The following ARHGAP26 variants were observed in gnomAD, a reference collection of about 807,000 sequenced individuals.
ARHGAP26 encodes the protein rho GTPase-activating protein 26.
A neutral mutation model predicts 104.8 loss-of-function variants in ARHGAP26; 38 were observed. The ratio of observed to expected loss-of-function variants is 0.36; its 90% CI spans 0.28 to 0.48. The LOEUF (loss-of-function observed/expected upper bound fraction) is 0.48, where lower values mean the gene tolerates loss of function less well. Ranked by LOEUF, ARHGAP26 falls within the 20% of genes least tolerant of loss-of-function variation. ARHGAP26 has a pLI of 0.99. For missense variants in ARHGAP26, 704 were observed against 947.9 expected, an observed-to-expected ratio of 0.74 and a Z score of 3.38; for synonymous variants, 341 against 340.0, an observed-to-expected ratio of 1.00 and a Z score of -0.03.
chr5:143,109,518 G>C (rs542558063), intron 17 of ARHGAP26, among the ~76,000 whole-genome samples: 4 of 151,758 alleles, frequency 2.6e-5, no homozygotes, highest in African/African-American at 7.3e-5. Flanking sequence ...GCAGTGGTGC[G>C]ATCTCAGCTC....
chr5:143,052,552 C>T (rs1223010496), intron 14 of ARHGAP26, among the ~76,000 whole-genome samples: 1 of 152,120 alleles, frequency 6.6e-6, no homozygotes, highest in Non-Finnish European at 1.5e-5. Flanking sequence ...TTTTATTGCT[C>T]AGTGTCACCT....
At chr5:142,930,272 C>G (rs1017045446) in intron 10 of ARHGAP26, among the ~76,000 whole-genome samples, 2 of 152,106 alleles carry the variant, frequency 1.3e-5, no homozygotes, top group African/African-American at 4.8e-5. Context: ...TTCATTGTGC[C>G]CTTAAGCCAC....
intron 17 of ARHGAP26, among the ~76,000 whole-genome samples, chr5:143,065,016 T>G (rs1047117115): frequency 6.6e-6 from 1 of 152,210 alleles, no homozygotes; most frequent in Non-Finnish European, 1.5e-5. Context: ...AATTTCCTGT[T>G]TTCTGATTCA....
intron 1 of ARHGAP26, chr5:142,860,356 C>T (rs1196078872): frequency 1.3e-5 from 2 of 152,284 alleles, no homozygotes; most frequent in South Asian, 2.1e-4. Flanking sequence ...TCTGGATTCA[C>T]TTGAGTCTGT....
intron 5 of ARHGAP26, among the ~76,000 whole-genome samples, chr5:142,887,023 G>C (rs1757805785): frequency 6.6e-6 from 1 of 152,250 alleles, no homozygotes; most frequent in Non-Finnish European, 1.5e-5. Context: ...CATTAGTACA[G>C]ATATTCAGAG....
chr5:142,801,322 C>T lies in ARHGAP26; in HGVS notation c.154+30407C>T, dbSNP rs114195571. On this transcript the variant is annotated intron_variant, in intron 1 of 22. Coordinates refer to ENST00000645722, the MANE Select transcript of ARHGAP26 (RefSeq NM_001135608.3). Reference sequence around the variant, plus strand: ...GGGATAATAAGAGTTATAGTCATAGCGAATAGAAATTGATGACGCCCTATG... The same window carrying T: ...GGGATAATAAGAGTTATAGTCATAGTGAATAGAAATTGATGACGCCCTATG... Among the ~76,000 whole-genome samples the T allele has an allele frequency of 3.6e-3, 543 of 152,132 alleles. 5 individuals are homozygous for T. The highest frequency in any genetic ancestry group is 0.012 in the African/African-American group (516 of 41,480).
chr5:142,921,347 A>G (rs1475615816), intron 10 of ARHGAP26, among the ~76,000 whole-genome samples: 1 of 152,202 alleles, frequency 6.6e-6, no homozygotes, highest in Admixed American at 6.5e-5. Context: ...TAATACAGTA[A>G]TATGTGCATA....
At chr5:142,902,613 GC>G (rs984856921) in intron 7 of ARHGAP26, among the ~76,000 whole-genome samples, 1 of 152,218 alleles carries the variant, frequency 6.6e-6, no homozygotes, top group Non-Finnish European at 1.5e-5. Flanking sequence ...TGGGGCTTGA[GC>G]CCCCTTCTTC....
At chr5:143,200,638 A>T (rs997375157) in intron 20 of ARHGAP26, among the ~76,000 whole-genome samples, 2 of 152,194 alleles carry the variant, frequency 1.3e-5, no homozygotes, top group African/African-American at 4.8e-5. Context: ...GTTAACAGTG[A>T]TTATCAGTGG....
chr5:142,880,270 A>G (rs920557230), intron 4 of ARHGAP26, among the ~76,000 whole-genome samples: 1 of 152,226 alleles, frequency 6.6e-6, no homozygotes, highest in Non-Finnish European at 1.5e-5. Flanking sequence ...CTGTAATCCC[A>G]GCACTTTGGG....
chr5:142,770,819 G>A lies in ARHGAP26; in HGVS notation c.58G>A (p.Glu20Lys). 1 of 1,609,398 alleles carries A rather than the reference G, an allele frequency of 6.2e-7. No individual in the cohort carries two copies. The highest frequency in any genetic ancestry group is 8.5e-7 in the Non-Finnish European group (1 of 1,177,830). The change falls in exon 1 of 23, where the codon GAG (glutamate) becomes AAG (lysine). Residue 20 changes from glutamate (E) to lysine (K), a missense_variant. By Grantham distance (56) the Glu-to-Lys change is moderately conservative. Transcript: ENST00000645722. The stretch of plus-strand genomic sequence containing the variant: ...CTGCCTCGATAGTCCGCACTTCCGA[G>A]AGACGCTCAAGTCGCACGAAGCAGA... ...DCCLDSPHFR[E>K]TLKSHEAELD...
At chr5:142,786,147 ATTT>A (rs35617606) in intron 1 of ARHGAP26, among the ~76,000 whole-genome samples, 2 of 138,738 alleles carry the variant, frequency 1.4e-5, no homozygotes, top group Non-Finnish European at 1.6e-5. Context: ...ATTAAAAAAC[ATTT>A]TTTTTTTTTT....
chr5:142,938,641 A>G (rs1237104276), intron 11 of ARHGAP26, among the ~76,000 whole-genome samples: 2 of 152,174 alleles, frequency 1.3e-5, no homozygotes, highest in Non-Finnish European at 2.9e-5. Context: ...TACACACCCA[A>G]CTTGAAGTAT....
At chr5:142,974,423 G>A (rs899724559) in intron 11 of ARHGAP26, among the ~76,000 whole-genome samples, 1 of 152,094 alleles carries the variant, frequency 6.6e-6, no homozygotes, top group African/African-American at 2.4e-5. Context: ...GTTTGGAAAT[G>A]TTGGAAAATT....
At chr5:142,925,622 C>T (rs1763801273) in intron 10 of ARHGAP26, among the ~76,000 whole-genome samples, 1 of 152,224 alleles carries the variant, frequency 6.6e-6, no homozygotes, top group Admixed American at 6.5e-5. Flanking sequence ...GACCACTTCC[C>T]TTCCCTGGCA....
In ARHGAP26 at chr5:143,021,165, C is replaced by T. The variant is rs1381707438; in HGVS notation, c.1144+7049C>T. Among the ~76,000 whole-genome samples the T allele has an allele frequency of 2.0e-5, 3 of 152,184 alleles. No homozygotes were observed. In the East Asian group the frequency reaches 5.8e-4, roughly 29 times the overall value. On this transcript the variant is annotated intron_variant, in intron 12 of 22. Transcript: ENST00000645722. The stretch of plus-strand genomic sequence containing the variant: ...TATTCCCAGAGATACTTCCTTCTTG[C>T]CTTTTTTAAATGATGTCTTGTATGT...
intron 10 of ARHGAP26, among the ~76,000 whole-genome samples, chr5:142,931,698 G>A (rs540120736): frequency 1.5e-4 from 23 of 152,094 alleles, no homozygotes; most frequent in Admixed American, 3.9e-4. Context: ...CATTTCTACC[G>A]TGAGTAAAAT....
intron 11 of ARHGAP26, among the ~76,000 whole-genome samples, chr5:143,011,324 T>TTTTA (rs1554195018): frequency 1.3e-4 from 19 of 145,650 alleles, no homozygotes; most frequent in African/African-American, 4.6e-4. Context: ...TTTTTTTTTT[T>TTTTA]ACTTTCTCCA....
At chr5:143,197,625 A>G (rs924393352) in intron 20 of ARHGAP26, among the ~76,000 whole-genome samples, 1 of 152,070 alleles carries the variant, frequency 6.6e-6, no homozygotes, top group Non-Finnish European at 1.5e-5. Context: ...GTTCATTTTT[A>G]TGTTGTAGGC....
Sources: gnomAD v4.1 joint callset for allele counts (sites outside exome capture counted in the v4.1 genomes callset) on GRCh38, gnomAD v4.1.1 for gene constraint, MANE v1.5 for transcripts, NCBI Gene and HGNC (gene_info 2026-07-23, HGNC 2026-07-21) for gene names.